Variants in CTIF observed in about 807,000 individuals in gnomAD.
CTIF encodes the protein CBP80/20-dependent translation initiation factor.
Under a neutral mutation model 66.0 loss-of-function variants are expected in CTIF, and 21 were observed. That is an observed-to-expected ratio of 0.32 (90% confidence interval 0.23 to 0.46). CTIF has a LOEUF of 0.46. CTIF is among the 20% of genes least tolerant of loss of function. The probability of loss-of-function intolerance (pLI) is 1.00; values close to 1 mark genes in which losing one functional copy is unlikely to be tolerated. For missense variants in CTIF, 739 were observed against 812.7 expected, an observed-to-expected ratio of 0.91 and a Z score of 1.10; for synonymous variants, 345 against 326.4, an observed-to-expected ratio of 1.06 and a Z score of -0.62.
chr18:48,594,986 G>T (rs1164133117), intron 1 of CTIF, among the ~76,000 whole-genome samples: 2 of 152,252 alleles, frequency 1.3e-5, no homozygotes, highest in East Asian at 1.9e-4. Context: ...GAGGGAGGTG[G>T]CCGTGAGCTG....
intron 6 of CTIF, among the ~76,000 whole-genome samples, chr18:48,678,543 G>A (rs562729141): frequency 1.1e-4 from 16 of 152,128 alleles, no homozygotes; most frequent in Non-Finnish European, 2.2e-4. Flanking sequence ...GGAAGGGGCA[G>A]CGTGCTCTGT....
chr18:48,797,492 A>AGGGGG (rs1226021396), intron 9 of CTIF, among the ~76,000 whole-genome samples: 19 of 129,880 alleles, frequency 1.5e-4, no homozygotes, highest in African/African-American at 3.7e-4. Flanking sequence ...AAAAAAGAAA[A>AGGGGG]GGGGTGGGGG....
intron 10 of CTIF, among the ~76,000 whole-genome samples, chr18:48,838,344 G>A (rs1404366170): frequency 3.3e-5 from 5 of 151,806 alleles, no homozygotes; most frequent in Admixed American, 1.3e-4. Flanking sequence ...GCCTTCCCAA[G>A]CCAGTGCCCT....
At chr18:48,846,855 A>G (rs936829667) in intron 10 of CTIF, among the ~76,000 whole-genome samples, 1 of 151,634 alleles carries the variant, frequency 6.6e-6, no homozygotes, top group Non-Finnish European at 1.5e-5. Flanking sequence ...GGATGGGTGG[A>G]TGGATGGATG....
At chr18:48,830,807 C>G (rs1568252570) in intron 10 of CTIF, among the ~76,000 whole-genome samples, 1 of 149,992 alleles carries the variant, frequency 6.7e-6, no homozygotes, top group Non-Finnish European at 1.5e-5. Flanking sequence ...CATTGCCCTA[C>G]TAGTGCCTGG....
At chr18:48,834,214 AGCAAGC>A (rs1340804618) in intron 10 of CTIF, among the ~76,000 whole-genome samples, 1 of 152,194 alleles carries the variant, frequency 6.6e-6, no homozygotes, top group Non-Finnish European at 1.5e-5. Context: ...TAACCAGGAG[AGCAAGC>A]GCCTCCACTC....
chr18:48,612,257 T>C, intron 1 of CTIF, among the ~76,000 whole-genome samples: 1 of 152,086 alleles, frequency 6.6e-6, no homozygotes, highest in Middle Eastern at 3.2e-3. Context: ...AGGGACGCGG[T>C]TGGCAGTGAG....
intron 1 of CTIF, among the ~76,000 whole-genome samples, chr18:48,612,621 G>A (rs2090327384): frequency 2.0e-5 from 3 of 152,338 alleles, no homozygotes; most frequent in Admixed American, 6.5e-5. Flanking sequence ...GCCAGTGGCT[G>A]TGATGAGTGG....
At chr18:48,598,489 A>T (rs2090028118) in intron 1 of CTIF, among the ~76,000 whole-genome samples, 1 of 152,120 alleles carries the variant, frequency 6.6e-6, no homozygotes, top group Admixed American at 6.5e-5. Context: ...CTCAGAATAT[A>T]TGCAGCAGGG....
At chr18:48,774,906 A>G (rs913752944) in intron 9 of CTIF, among the ~76,000 whole-genome samples, 18 of 152,144 alleles carry the variant, frequency 1.2e-4, no homozygotes, top group African/African-American at 4.1e-4. Flanking sequence ...AGCGCCACAT[A>G]TTGGACCCAT....
At chr18:48,611,432 C>T (rs2090305801) in intron 1 of CTIF, among the ~76,000 whole-genome samples, 1 of 152,276 alleles carries the variant, frequency 6.6e-6, no homozygotes, top group African/African-American at 2.4e-5. Flanking sequence ...CGCCCCTTCA[C>T]CAGATAGCTG....
intron 6 of CTIF, among the ~76,000 whole-genome samples, chr18:48,696,375 G>A (rs2092008496): frequency 6.6e-6 from 1 of 152,186 alleles, no homozygotes; most frequent in African/African-American, 2.4e-5. Context: ...GCTGACTGGG[G>A]TCACAGTTTG....
intron 10 of CTIF, among the ~76,000 whole-genome samples, chr18:48,832,663 C>G (rs1450014973): frequency 6.6e-6 from 1 of 152,306 alleles, no homozygotes; most frequent in East Asian, 1.9e-4. Flanking sequence ...CTTGATTACA[C>G]AGGACTACCA....
chr18:48,720,396 T>C lies in CTIF; in HGVS notation c.584+8701T>C, dbSNP rs149976965. Reference sequence around the variant, plus strand: ...GAGGCCCTCGCAGACAGCTCAGCCCTGCAGTGACTGTCATTGCCATCCTGT... The same window carrying C: ...GAGGCCCTCGCAGACAGCTCAGCCCCGCAGTGACTGTCATTGCCATCCTGT... On this transcript the variant is annotated intron_variant, in intron 7 of 11. Coordinates refer to ENST00000256413, the MANE Select transcript of CTIF (RefSeq NM_014772.3). Among the ~76,000 whole-genome samples, 193 of 152,264 alleles carry C rather than the reference T, an allele frequency of 1.3e-3. 1 individual carries two copies. Among genetic ancestry groups the C allele is most frequent in the African/African-American group, 4.5e-3 (189 of 41,542 alleles).
At chr18:48,788,147 A>G (rs1311500188) in intron 9 of CTIF, among the ~76,000 whole-genome samples, 1 of 152,164 alleles carries the variant, frequency 6.6e-6, no homozygotes, top group Non-Finnish European at 1.5e-5. Flanking sequence ...TCTAGCCTTT[A>G]GGCTGGGGGG....
In CTIF at chr18:48,785,635, G is replaced by A. The variant is rs189361935; in HGVS notation, c.1371+23946G>A. The stretch of plus-strand genomic sequence containing the variant: ...ACCAAACCCAGGGGAAGGGATCTGG[G>A]GATTCTTAACAGACTCCCTGGGAGT... On this transcript the variant is annotated intron_variant, in intron 9 of 11. Coordinates refer to ENST00000256413, the MANE Select transcript of CTIF (RefSeq NM_014772.3). 2.5e-3 allele frequency among the ~76,000 whole-genome samples: 376 copies of A among 152,302 alleles called. 7 individuals are homozygous for A. The highest frequency in any genetic ancestry group is 0.022 in the Admixed American group (342 of 15,308).
chr18:48,748,002 A>G (rs1433691599), intron 7 of CTIF, among the ~76,000 whole-genome samples: 1 of 151,988 alleles, frequency 6.6e-6, no homozygotes, highest in East Asian at 1.9e-4. Flanking sequence ...AGTCACCCCC[A>G]TTGACGGCCA....
intron 1 of CTIF, among the ~76,000 whole-genome samples, chr18:48,583,060 G>A (rs1348753923): frequency 6.6e-6 from 1 of 152,228 alleles, no homozygotes; most frequent in Non-Finnish European, 1.5e-5. Context: ...GTGGAGGGGA[G>A]GGAGGAGGAT....
At chr18:48,580,682 T>C (rs2089634651) in intron 1 of CTIF, among the ~76,000 whole-genome samples, 2 of 152,322 alleles carry the variant, frequency 1.3e-5, no homozygotes, top group South Asian at 4.2e-4. Context: ...CATTCCCCTG[T>C]TTACCGGACC....
Sources: allele counts gnomAD v4.1 joint callset (sites outside exome capture counted in the v4.1 genomes callset), GRCh38; gene constraint gnomAD v4.1.1; transcripts MANE v1.5; gene names NCBI Gene and HGNC (gene_info 2026-07-23, HGNC 2026-07-21).